The following WWOX variants were observed in gnomAD, a reference collection of about 807,000 sequenced individuals.
WWOX encodes WW domain-containing oxidoreductase.
A neutral mutation model predicts 46.2 loss-of-function variants in WWOX; 69 were observed. The ratio of observed to expected loss-of-function variants is 1.49; its 90% CI spans 1.23 to 1.82. The LOEUF (loss-of-function observed/expected upper bound fraction) is 1.82, where lower values mean the gene tolerates loss of function less well. Ranked by LOEUF, WWOX falls within the 40% of genes most tolerant of loss-of-function variation. The pLI is 0.00. For missense variants in WWOX, 919 were observed against 542.6 expected (o/e 1.69, Z -6.89); for synonymous variants, 359 against 202.6 (o/e 1.77, Z -6.56).
intron 8 of WWOX, among the ~76,000 whole-genome samples, chr16:78,695,883 G>A (rs951066022): frequency 6.6e-6 from 1 of 152,208 alleles, no homozygotes; most frequent in Non-Finnish European, 1.5e-5. Flanking sequence ...GGGCTGCACT[G>A]AATTAGACCA....
intron 8 of WWOX, among the ~76,000 whole-genome samples, chr16:78,997,854 C>A (rs112735429): frequency 1.6e-4 from 25 of 152,228 alleles, no homozygotes; most frequent in African/African-American, 6.0e-4. Context: ...GAATGTTTTG[C>A]AGCCTAATGT....
intron 8 of WWOX, among the ~76,000 whole-genome samples, chr16:78,905,381 C>G (rs868144517): frequency 1.2e-4 from 18 of 152,104 alleles, no homozygotes; most frequent in African/African-American, 2.7e-4. Flanking sequence ...TGGAAGAATT[C>G]TTATTTATTT....
At chr16:79,060,354 CT>C (rs1049663566) in intron 8 of WWOX, among the ~76,000 whole-genome samples, 1 of 152,218 alleles carries the variant, frequency 6.6e-6, no homozygotes, top group Non-Finnish European at 1.5e-5. Context: ...TCCAGTGAGG[CT>C]TTTGGCCACT....
chr16:78,403,241 C>T (rs2082454190), intron 6 of WWOX, among the ~76,000 whole-genome samples: 2 of 152,306 alleles, frequency 1.3e-5, no homozygotes, highest in Middle Eastern at 3.4e-3. Flanking sequence ...GTAAATTCAC[C>T]TCTGCCACCA....
chr16:78,547,505 T>C (rs935142630), intron 8 of WWOX, among the ~76,000 whole-genome samples: 4 of 152,208 alleles, frequency 2.6e-5, no homozygotes, highest in African/African-American at 9.6e-5. Context: ...TTACAAGTGA[T>C]TCTACTTCTC....
chr16:78,263,245 G>A (rs2079285373), intron 5 of WWOX, among the ~76,000 whole-genome samples: 2 of 152,170 alleles, frequency 1.3e-5, no homozygotes, highest in Admixed American at 6.5e-5. Flanking sequence ...TAAATACACT[G>A]TGTCCTCTCA....
chr16:78,726,139 T>TTCTCTTTC (rs912670643), intron 8 of WWOX, among the ~76,000 whole-genome samples: 1 of 115,032 alleles, frequency 8.7e-6, no homozygotes, highest in African/African-American at 3.1e-5. Context: ...CTCTCTCTTT[T>TTCTCTTTC]TCTCTTTCTC....
chr16:78,999,617 T>C (rs754035746), intron 8 of WWOX, among the ~76,000 whole-genome samples: 10 of 152,154 alleles, frequency 6.6e-5, no homozygotes, highest in Admixed American at 6.5e-5. Context: ...AGGAATACTT[T>C]AATTATTTTT....
At chr16:78,628,152 TG>T (rs1342003105) in intron 8 of WWOX, among the ~76,000 whole-genome samples, 1 of 151,984 alleles carries the variant, frequency 6.6e-6, no homozygotes, top group Non-Finnish European at 1.5e-5. Flanking sequence ...TTGTTGGAGG[TG>T]GGAAAGCAAA....
chr16:79,127,944 C>T (rs953175821), intron 8 of WWOX, among the ~76,000 whole-genome samples: 3 of 152,118 alleles, frequency 2.0e-5, no homozygotes, highest in Non-Finnish European at 2.9e-5. Context: ...CAGTAGTCCA[C>T]ATGACAGTTA....
chr16:79,183,456 G>A (rs1040657486), intron 8 of WWOX, among the ~76,000 whole-genome samples: 2 of 152,192 alleles, frequency 1.3e-5, no homozygotes, highest in African/African-American at 4.8e-5. Context: ...TAGGCTCAAA[G>A]AGATTAAATG....
intron 5 of WWOX, among the ~76,000 whole-genome samples, chr16:78,313,557 G>C (rs2080291331): frequency 6.6e-6 from 1 of 152,082 alleles, no homozygotes; most frequent in Admixed American, 6.5e-5. Flanking sequence ...GTAGAGACGG[G>C]GTTTCTCCAT....
chr16:78,196,266 C>G (rs146370053), intron 5 of WWOX, among the ~76,000 whole-genome samples: 2 of 152,284 alleles, frequency 1.3e-5, no homozygotes, highest in African/African-American at 4.8e-5. Flanking sequence ...GTAAGCCTAG[C>G]TTCTGGTAAA....
At chr16:78,358,306 G>T (rs1286642405) in intron 5 of WWOX, among the ~76,000 whole-genome samples, 1 of 152,106 alleles carries the variant, frequency 6.6e-6, no homozygotes, top group South Asian at 2.1e-4. Flanking sequence ...GATTAAATTA[G>T]AACTCTGCTA....
chr16:78,406,772 G>C lies in WWOX; in HGVS notation c.606-18098G>C, dbSNP rs567678029. On this transcript the variant is annotated intron_variant, in intron 6 of 8. Transcript: ENST00000566780. ...CTCCCCAGTAGCTGGGATTACAGTC[G>C]TGTGCCACCACGCCTGGTTAGTTTT... is the stretch of plus-strand genomic sequence containing the variant. 2.0e-5 allele frequency among the ~76,000 whole-genome samples: 3 copies of C among 151,912 alleles called. No homozygotes were observed. In the East Asian group the frequency reaches 5.8e-4, roughly 30 times the overall value.
intron 8 of WWOX, among the ~76,000 whole-genome samples, chr16:79,140,345 A>G (rs1452871061): frequency 6.6e-6 from 1 of 152,182 alleles, no homozygotes; most frequent in Non-Finnish European, 1.5e-5. Flanking sequence ...TCATTTGTAC[A>G]GAGGGAGTTA....
intron 8 of WWOX, among the ~76,000 whole-genome samples, chr16:78,970,314 G>A (rs1007768504): frequency 6.6e-5 from 10 of 152,168 alleles, no homozygotes; most frequent in African/African-American, 2.4e-4. Flanking sequence ...CCACTACAGT[G>A]TAAACTCCAT....
intron 8 of WWOX, among the ~76,000 whole-genome samples, chr16:78,739,504 C>T (rs1006083551): frequency 3.3e-5 from 5 of 152,092 alleles, no homozygotes; most frequent in African/African-American, 1.2e-4. Flanking sequence ...AAGAAGAGGG[C>T]TGGGCTGAGT....
intron 8 of WWOX, among the ~76,000 whole-genome samples, chr16:79,161,834 T>G (rs970601870): frequency 3.3e-5 from 5 of 152,216 alleles, no homozygotes; most frequent in Admixed American, 6.5e-5. Flanking sequence ...TTTTTCACTT[T>G]AAGAAATGCT....
Sources: allele counts gnomAD v4.1 joint callset (sites outside exome capture counted in the v4.1 genomes callset), GRCh38; gene constraint gnomAD v4.1.1; transcripts MANE v1.5; gene names NCBI Gene and HGNC (gene_info 2026-07-23, HGNC 2026-07-21).